TECTA: variants seen among roughly 807,000 people sequenced by gnomAD.
TECTA encodes tectorin alpha.
Under a neutral mutation model 216.8 loss-of-function variants are expected in TECTA, and 128 were observed. The observed-to-expected ratio is 0.59, with a 90% CI of 0.51 to 0.68. TECTA has a LOEUF of 0.68. Ranked by LOEUF, TECTA falls within the 30% of genes least tolerant of loss-of-function variation. The probability of loss-of-function intolerance (pLI) is 0.00; values close to 1 mark genes in which losing one functional copy is unlikely to be tolerated. For synonymous variants in TECTA, 1,089 were observed against 1,117.1 expected, an observed-to-expected ratio of 0.97 and a Z score of 0.50; for missense variants, 2,551 against 2,786.2, an observed-to-expected ratio of 0.92 and a Z score of 1.90.
At position 121,170,079 on chromosome 11, in the gene TECTA, C is replaced by A. The variant is rs148092004; in HGVS notation, c.5999+1154C>A. Among the ~76,000 whole-genome samples, 267 of 152,244 alleles carry A rather than the reference C, an allele frequency of 1.8e-3. 5 individuals are homozygous for A. The East Asian group carries it at 0.048, about 28-fold the overall frequency. On this transcript the variant is annotated intron_variant, in intron 20 of 23. Transcript: ENST00000392793. ...TCCATGAAATCAACTTTTTAAGCTC[C>A]CACATGTGAGTGAGAACCTGAGATA...
chr11:121,186,438 C>T (rs968877262), intron 20 of TECTA, among the ~76,000 whole-genome samples: 20 of 152,338 alleles, frequency 1.3e-4, no homozygotes, highest in African/African-American at 4.8e-4. Context: ...ATAGCCATTC[C>T]TGCCTCTCTA....
intron 2 of TECTA, among the ~76,000 whole-genome samples, chr11:121,103,168 A>C (rs973043392): frequency 1.3e-5 from 2 of 152,188 alleles, no homozygotes; most frequent in African/African-American, 4.8e-5. Flanking sequence ...TTTGTGTATC[A>C]GTGACCTTTT....
intron 20 of TECTA, among the ~76,000 whole-genome samples, chr11:121,171,784 A>T (rs1334167985): frequency 6.6e-6 from 1 of 152,076 alleles, no homozygotes; most frequent in Non-Finnish European, 1.5e-5. Context: ...ACTTTACTGA[A>T]TTTGTTTATC....
chr11:121,109,059 C>A, intron 3 of TECTA, 152 bp from the exon 4 acceptor site: 1 of 794,828 alleles, frequency 1.3e-6, no homozygotes, highest in Non-Finnish European at 2.0e-6. Context: ...ACCTCTTAGT[C>A]TGAGCAATGG....
chr11:121,187,947 C>T lies in TECTA; in HGVS notation c.6115C>T (p.His2039Tyr), dbSNP rs727503465. 1 of 1,614,128 alleles carries T rather than the reference C, an allele frequency of 6.2e-7. No individual in the cohort carries two copies. The highest frequency in any genetic ancestry group is 1.7e-5 in the Admixed American group (1 of 60,010). The change falls in exon 21 of 24, where the codon CAC becomes TAC. Residue 2039 changes from histidine to tyrosine, a missense_variant. Transcript: ENST00000392793. ...FIGDYDEVHL[H>Y]CAVSLCDSEK... Reference sequence around the variant, plus strand: ...AGGGGATTACGACGAAGTTCACCTTCACTGTGCAGTGTCACTCTGCGACTC... The same window carrying T: ...AGGGGATTACGACGAAGTTCACCTTTACTGTGCAGTGTCACTCTGCGACTC...
At chr11:121,184,048 C>T (rs1335752112) in intron 20 of TECTA, among the ~76,000 whole-genome samples, 2 of 152,190 alleles carry the variant, frequency 1.3e-5, no homozygotes, top group African/African-American at 4.8e-5. Context: ...CTTCGCCTCC[C>T]AAAGTGCTAG....
intron 12 of TECTA, among the ~76,000 whole-genome samples, chr11:121,146,715 T>C (rs1946841944): frequency 6.6e-6 from 1 of 152,200 alleles, no homozygotes; most frequent in Non-Finnish European, 1.5e-5. Flanking sequence ...AAAGCAGTGG[T>C]AATGCTGCCT....
intron 20 of TECTA, among the ~76,000 whole-genome samples, chr11:121,176,510 TCTTC>T (rs1189012897): frequency 7.3e-5 from 8 of 109,540 alleles, no homozygotes; most frequent in East Asian, 6.7e-4. Context: ...ATGTCAAATA[TCTTC>T]TGGCTTGTAG....
chr11:121,154,196 C>T (rs186603101), intron 13 of TECTA, among the ~76,000 whole-genome samples: 112 of 152,140 alleles, frequency 7.4e-4, no homozygotes, highest in African/African-American at 2.7e-3. Flanking sequence ...ATCAGCTAGG[C>T]GAAAAATAAA....
Position 121,168,109 on chromosome 11 carries a change from A to G in TECTA, c.5642A>G (p.Asn1881Ser). 1 of 1,614,212 alleles carries G rather than the reference A, an allele frequency of 6.2e-7. No homozygotes were observed. Among genetic ancestry groups the G allele is most frequent in the South Asian group, 1.1e-5 (1 of 91,084 alleles). ...ACACTCTGGATCGAAAGCGCCAACA[A>G]CACTGGCAACATCATCACCAGGGAC... ...KNTLWIESAN[N>S]TGNIITRDRT... Residue 1881 changes from asparagine to serine, a missense_variant, in exon 19 of 24, where the codon AAC becomes AGC. This residue lies in a region of TECTA where 2,375 missense variants were observed against 2,563.9 expected (regional missense o/e 0.93). Transcript: ENST00000392793.
At chr11:121,165,559 C>T (rs533890778) in intron 17 of TECTA, among the ~76,000 whole-genome samples, 176 bp downstream of exon 17, 1 of 152,312 alleles carries the variant, frequency 6.6e-6, no homozygotes, top group Non-Finnish European at 1.5e-5. Flanking sequence ...ACATCCTTTT[C>T]TTCAATACAT....
chr11:121,168,038 TC>T lies in TECTA; in HGVS notation c.5587-12del. ...CTCCCAGATGTAACGATTTCTGACT[TC>T]CCCTTGTTCTGCAGTCCAATGGCAC... On this transcript the variant is annotated splice_polypyrimidine_tract_variant and intron_variant, in intron 18 of 23. Coordinates refer to ENST00000392793, the MANE Select transcript of TECTA (RefSeq NM_005422.4). 6.2e-7 allele frequency: 1 copy of T among 1,614,126 alleles called. No homozygotes were observed. Among genetic ancestry groups the T allele is most frequent in the Non-Finnish European group, 8.5e-7 (1 of 1,179,986 alleles).
In TECTA at chr11:121,189,864, C is replaced by A; in HGVS notation, c.6351C>A (p.Asp2117Glu). Residue 2117 changes from aspartate to glutamate, a missense_variant, in exon 23 of 24, where the codon GAC becomes GAA. Around this residue, in one of 3 missense-constraint regions of TECTA, gnomAD observed 118 missense variants for 116.4 expected, o/e 1.01. Coordinates refer to ENST00000392793, the MANE Select transcript of TECTA (RefSeq NM_005422.4). Reference protein sequence around the residue: ...CSCVTGTLQEDGKSCRASNSS... With the variant: ...CSCVTGTLQEEGKSCRASNSS... Reference sequence around the variant, plus strand: ...GTGTAACAGGAACCCTGCAGGAGGACGGCAAGAGCTGCAGAGGTAGACACT... The same window carrying A: ...GTGTAACAGGAACCCTGCAGGAGGAAGGCAAGAGCTGCAGAGGTAGACACT... The A allele has an allele frequency of 1.2e-6, 2 of 1,612,956 alleles. No individual in the cohort carries two copies. Among genetic ancestry groups the A allele is most frequent in the South Asian group, 2.2e-5 (2 of 91,030 alleles).
chr11:121,168,302 C>G, intron 19 of TECTA, 85 bp downstream of exon 19: 1 of 1,544,372 alleles, frequency 6.5e-7, no homozygotes, highest in South Asian at 1.1e-5. Flanking sequence ...TAGCGTTTGT[C>G]TTTGATGCCC....
chr11:121,169,231 A>G (rs974381108), intron 20 of TECTA, among the ~76,000 whole-genome samples: 20 of 152,212 alleles, frequency 1.3e-4, no homozygotes, highest in African/African-American at 3.9e-4. Flanking sequence ...TTTACTTTGA[A>G]CTTCAAATTG....
intron 11 of TECTA, among the ~76,000 whole-genome samples, chr11:121,143,236 C>T (rs1375205875): frequency 6.6e-6 from 1 of 152,212 alleles, no homozygotes; most frequent in Admixed American, 6.5e-5. Context: ...GCCCTCCCCA[C>T]CTGTGCATTT....
chr11:121,161,497 T>A (rs569611622), intron 15 of TECTA, among the ~76,000 whole-genome samples: 41 of 130,420 alleles, frequency 3.1e-4, no homozygotes, highest in African/African-American at 1.1e-3. Flanking sequence ...ATTATGATTC[T>A]GTTTGGATTT....
chr11:121,146,756 G>A (rs969859733), intron 12 of TECTA, among the ~76,000 whole-genome samples: 9 of 152,212 alleles, frequency 5.9e-5, no homozygotes, highest in African/African-American at 2.2e-4. Flanking sequence ...ACGTAAAGGG[G>A]ATCCAATTAG....
intron 20 of TECTA, among the ~76,000 whole-genome samples, chr11:121,183,640 T>C (rs1202576759): frequency 6.6e-6 from 1 of 152,124 alleles, no homozygotes; most frequent in Non-Finnish European, 1.5e-5. Context: ...GGCAGGAGAA[T>C]CACTTGAACT....
Sources: allele counts gnomAD v4.1 joint callset (sites outside exome capture counted in the v4.1 genomes callset), GRCh38; gene constraint gnomAD v4.1.1; regional missense constraint gnomAD v4.1.1; transcripts MANE v1.5; gene names NCBI Gene and HGNC (gene_info 2026-07-23, HGNC 2026-07-21).